SGCZ: variants seen among roughly 807,000 people sequenced by gnomAD.
SGCZ encodes zeta-sarcoglycan.
Under a neutral mutation model 41.3 loss-of-function variants are expected in SGCZ, and 40 were observed. The observed-to-expected ratio is 0.97, with a 90% CI of 0.75 to 1.26. The LOEUF is 1.26. Among genes scored for constraint, SGCZ ranks in the 50% most tolerant of loss-of-function variants. SGCZ has a pLI of 0.00. For synonymous variants in SGCZ, 206 were observed against 137.5 expected (o/e 1.50, Z -3.49); for missense variants, 552 against 369.8 (o/e 1.49, Z -4.04).
intron 1 of SGCZ, among the ~76,000 whole-genome samples, chr8:14,635,817 T>C (rs1426528447): frequency 6.6e-6 from 1 of 151,892 alleles, no homozygotes; most frequent in Non-Finnish European, 1.5e-5. Flanking sequence ...TATACTGTAA[T>C]TGATGCTGGA....
At chr8:14,443,486 G>C (rs1443940116) in intron 2 of SGCZ, among the ~76,000 whole-genome samples, 1 of 152,094 alleles carries the variant, frequency 6.6e-6, no homozygotes, top group Non-Finnish European at 1.5e-5. Flanking sequence ...GAACAGAACA[G>C]AGCCCTCAGA....
intron 1 of SGCZ, among the ~76,000 whole-genome samples, chr8:14,964,420 C>G (rs1425698910): frequency 6.6e-6 from 1 of 152,162 alleles, no homozygotes; most frequent in Non-Finnish European, 1.5e-5. Flanking sequence ...GATGCCCTGC[C>G]TAGGACTTTA....
chr8:14,416,010 A>T (rs1004193477), intron 2 of SGCZ, among the ~76,000 whole-genome samples: 3 of 151,980 alleles, frequency 2.0e-5, no homozygotes, highest in African/African-American at 7.2e-5. Context: ...ATTTAAATTT[A>T]TCACCAGAAA....
rs1803329765 is a variant in SGCZ, at chr8:14,537,430, A to AG, written c.234+17301dup. Among the ~76,000 whole-genome samples the AG allele has an allele frequency of 2.6e-5, 4 of 151,978 alleles. No homozygotes were observed. The South Asian group carries it at 8.3e-4, about 31-fold the overall frequency. On this transcript the variant is annotated intron_variant, in intron 2 of 7. Coordinates refer to ENST00000382080, the MANE Select transcript of SGCZ (RefSeq NM_139167.4). ...GCTACAAAAGATCCAAACAAGACAG[A>AG]GAAAAATAATTACAAGTTATAAGCT...
intron 1 of SGCZ, among the ~76,000 whole-genome samples, chr8:14,823,542 A>C (rs1223931526): frequency 6.6e-6 from 1 of 152,194 alleles, no homozygotes; most frequent in Non-Finnish European, 1.5e-5. Flanking sequence ...ACCTCTTTCC[A>C]GGTAGAATGG....
At position 15,038,577 on chromosome 8, in the gene SGCZ, G is replaced by A. The variant is rs375518722; in HGVS notation, c.39+199008C>T. ...GACTTTTTTAGATGTAACCCCAAAC[G>A]CACAGGCAAAAAAGCAAAAATAGGC... On this transcript the variant is annotated intron_variant, in intron 1 of 7. Coordinates refer to ENST00000382080, the MANE Select transcript of SGCZ (RefSeq NM_139167.4). 3.8e-4 allele frequency among the ~76,000 whole-genome samples: 58 copies of A among 150,948 alleles called. No individual in the cohort carries two copies. In the East Asian group the frequency reaches 4.1e-3, roughly 11 times the overall value.
chr8:14,360,879 G>A (rs923906462), intron 2 of SGCZ, among the ~76,000 whole-genome samples: 11 of 152,084 alleles, frequency 7.2e-5, no homozygotes, highest in African/African-American at 2.7e-4. Flanking sequence ...GTTTTCTAGA[G>A]TGGCTGTACC....
chr8:14,566,377 A>T (rs1804359913), intron 1 of SGCZ, among the ~76,000 whole-genome samples: 2 of 151,988 alleles, frequency 1.3e-5, no homozygotes, highest in South Asian at 4.2e-4. Flanking sequence ...CCATCATAAG[A>T]TGGGGCCAGT....
intron 3 of SGCZ, among the ~76,000 whole-genome samples, chr8:14,270,716 C>T (rs1185475758): frequency 6.6e-6 from 1 of 152,202 alleles, no homozygotes; most frequent in Non-Finnish European, 1.5e-5. Flanking sequence ...GCAATAAACA[C>T]TATTTCTATA....
At chr8:14,320,067 A>G (rs952627025) in intron 3 of SGCZ, among the ~76,000 whole-genome samples, 3 of 152,104 alleles carry the variant, frequency 2.0e-5, no homozygotes, top group African/African-American at 7.2e-5. Context: ...GTGCAAATAT[A>G]TAATTATATA....
chr8:14,296,900 T>C (rs906769355), intron 3 of SGCZ, among the ~76,000 whole-genome samples: 1 of 152,066 alleles, frequency 6.6e-6, no homozygotes, highest in African/African-American at 2.4e-5. Context: ...CAAGGGAAAA[T>C]ACAAAATATT....
intron 1 of SGCZ, among the ~76,000 whole-genome samples, chr8:14,772,370 T>A (rs1191602091): frequency 6.6e-6 from 1 of 152,010 alleles, no homozygotes; most frequent in South Asian, 2.1e-4. Flanking sequence ...GTATGAAATA[T>A]AAATATTTTC....
chr8:14,394,285 G>T (rs139467876), intron 2 of SGCZ, among the ~76,000 whole-genome samples: 2,290 of 151,746 alleles, frequency 0.015, 60 homozygotes, highest in African/African-American at 0.052. Flanking sequence ...TGAGTAGCTG[G>T]GACTACAGGC....
At chr8:14,789,984 T>G (rs1485533996) in intron 1 of SGCZ, among the ~76,000 whole-genome samples, 1 of 152,206 alleles carries the variant, frequency 6.6e-6, no homozygotes, top group Non-Finnish European at 1.5e-5. Context: ...ATTGATTAAA[T>G]GTAAATTCAT....
At chr8:14,523,833 A>G (rs1329847283) in intron 2 of SGCZ, among the ~76,000 whole-genome samples, 1 of 152,058 alleles carries the variant, frequency 6.6e-6, no homozygotes, top group African/African-American at 2.4e-5. Flanking sequence ...TGATAGATCT[A>G]TTGTTTGAAT....
intron 3 of SGCZ, among the ~76,000 whole-genome samples, chr8:14,310,102 A>G (rs1354801588): frequency 6.6e-6 from 1 of 152,104 alleles, no homozygotes; most frequent in Admixed American, 6.6e-5. Flanking sequence ...AAAGATTATG[A>G]TGCATACAGT....
intron 1 of SGCZ, among the ~76,000 whole-genome samples, chr8:15,058,263 A>G (rs1430986445): frequency 1.3e-5 from 2 of 152,174 alleles, no homozygotes; most frequent in Non-Finnish European, 2.9e-5. Context: ...AATATTCTCC[A>G]TGTATCTTTT....
intron 2 of SGCZ, among the ~76,000 whole-genome samples, chr8:14,493,796 G>T (rs1042708713): frequency 1.1e-4 from 17 of 152,032 alleles, no homozygotes; most frequent in East Asian, 3.9e-4. Context: ...TTTCATAACA[G>T]TGTGTAACTT....
At chr8:14,975,468 G>C (rs957736738) in intron 1 of SGCZ, among the ~76,000 whole-genome samples, 6 of 152,224 alleles carry the variant, frequency 3.9e-5, no homozygotes, top group Admixed American at 3.3e-4. Flanking sequence ...AAGATATGTA[G>C]GCTTCCATGC....
Sources: allele counts gnomAD v4.1 joint callset (sites outside exome capture counted in the v4.1 genomes callset), GRCh38; gene constraint gnomAD v4.1.1; transcripts MANE v1.5; gene names NCBI Gene and HGNC (gene_info 2026-07-23, HGNC 2026-07-21).